The following SEMA5A variants were observed in gnomAD, a reference collection of about 807,000 sequenced individuals.
SEMA5A encodes the protein semaphorin-5A.
In SEMA5A, 55 loss-of-function variants were observed where a neutral mutation model predicts 135.5. The ratio of observed to expected loss-of-function variants is 0.41; its 90% confidence interval spans 0.33 to 0.51. The LOEUF is 0.51. Ranked by LOEUF, SEMA5A falls within the 20% of genes least tolerant of loss-of-function variation. The probability of loss-of-function intolerance (pLI) is 0.37; values close to 1 mark genes in which losing one functional copy is unlikely to be tolerated. For missense variants in SEMA5A, 1,290 were observed against 1,419.9 expected (o/e 0.91, Z 1.47); for synonymous variants, 580 against 546.5 (o/e 1.06, Z -0.85).
intron 5 of SEMA5A, among the ~76,000 whole-genome samples, chr5:9,304,327 A>G (rs1751754602): frequency 6.6e-6 from 1 of 152,054 alleles, no homozygotes; most frequent in South Asian, 2.1e-4. Context: ...GAATCTTCTA[A>G]TTTGTTCCTT....
At chr5:9,392,474 G>T (rs918557310) in intron 2 of SEMA5A, among the ~76,000 whole-genome samples, 3 of 152,118 alleles carry the variant, frequency 2.0e-5, no homozygotes, top group Non-Finnish European at 4.4e-5. Context: ...GTAAATTGAG[G>T]GGGGGAAGCT....
intron 1 of SEMA5A, among the ~76,000 whole-genome samples, chr5:9,535,861 C>A (rs1222000436): frequency 6.6e-6 from 1 of 152,182 alleles, no homozygotes; most frequent in Non-Finnish European, 1.5e-5. Context: ...TGGATCTTCC[C>A]AAGCTCAAGA....
At chr5:9,128,203 T>C (rs1176010882) in intron 13 of SEMA5A, among the ~76,000 whole-genome samples, 4 of 152,192 alleles carry the variant, frequency 2.6e-5, no homozygotes, top group African/African-American at 7.2e-5. Flanking sequence ...CCACCGGCCA[T>C]GCTTCTGAAC....
At chr5:9,275,013 A>AC (rs936735737) in intron 5 of SEMA5A, among the ~76,000 whole-genome samples, 1 of 150,938 alleles carries the variant, frequency 6.6e-6, no homozygotes, top group South Asian at 2.1e-4. Flanking sequence ...GACACATGAA[A>AC]ACCCCTCAAA....
chr5:9,111,396 A>C (rs1445220426), intron 15 of SEMA5A, among the ~76,000 whole-genome samples: 1 of 152,156 alleles, frequency 6.6e-6, no homozygotes, highest in Admixed American at 6.5e-5. Context: ...CATTTCCCCA[A>C]AGCAAAATAA....
chr5:9,327,561 T>C (rs1752935915), intron 4 of SEMA5A, among the ~76,000 whole-genome samples: 1 of 152,190 alleles, frequency 6.6e-6, no homozygotes, highest in Non-Finnish European at 1.5e-5. Flanking sequence ...CAAAAATAGA[T>C]GGATAGTCTC....
intron 11 of SEMA5A, among the ~76,000 whole-genome samples, chr5:9,181,101 C>T (rs1389046771): frequency 2.0e-5 from 3 of 152,122 alleles, no homozygotes; most frequent in Admixed American, 2.0e-4. Context: ...GCATGAGTCT[C>T]AGGCCCCCAG....
chr5:9,069,298 A>T (rs1737645435), intron 16 of SEMA5A, among the ~76,000 whole-genome samples: 1 of 152,224 alleles, frequency 6.6e-6, no homozygotes, highest in South Asian at 2.1e-4. Flanking sequence ...CAGGACTGGG[A>T]AGCATTGTCT....
intron 21 of SEMA5A, among the ~76,000 whole-genome samples, chr5:9,049,476 A>G (rs1461633129): frequency 6.6e-6 from 1 of 152,152 alleles, no homozygotes; most frequent in Non-Finnish European, 1.5e-5. Flanking sequence ...GTAAGCTCCT[A>G]ATCAAGGTAG....
intron 2 of SEMA5A, among the ~76,000 whole-genome samples, chr5:9,430,942 A>C (rs1432040478): frequency 6.6e-6 from 1 of 151,062 alleles, no homozygotes; most frequent in Admixed American, 6.6e-5. Flanking sequence ...AGATGTTTCC[A>C]TTCCTATTGG....
At chr5:9,244,543 T>G (rs1748384186) in intron 5 of SEMA5A, among the ~76,000 whole-genome samples, 1 of 152,204 alleles carries the variant, frequency 6.6e-6, no homozygotes, top group Non-Finnish European at 1.5e-5. Context: ...TATATGTATA[T>G]GTGAAACTGC....
At chr5:9,355,212 C>G (rs562403563) in intron 3 of SEMA5A, among the ~76,000 whole-genome samples, 10 of 152,228 alleles carry the variant, frequency 6.6e-5, no homozygotes, top group Non-Finnish European at 1.3e-4. Flanking sequence ...GAGGCTGATT[C>G]AGCTTGCAGC....
chr5:9,354,496 T>C (rs1268187046), intron 3 of SEMA5A, among the ~76,000 whole-genome samples: 1 of 152,206 alleles, frequency 6.6e-6, no homozygotes. Context: ...ACTTTAATTA[T>C]TTGCTTGACC....
At chr5:9,358,234 C>T (rs1228316352) in intron 3 of SEMA5A, among the ~76,000 whole-genome samples, 1 of 152,200 alleles carries the variant, frequency 6.6e-6, no homozygotes, top group Non-Finnish European at 1.5e-5. Context: ...CTCAATAAGA[C>T]CAAAGCCACT....
At chr5:9,168,058 C>G (rs1246844740) in intron 11 of SEMA5A, among the ~76,000 whole-genome samples, 1 of 152,162 alleles carries the variant, frequency 6.6e-6, no homozygotes. Flanking sequence ...TTCCTATGCA[C>G]CCCTCTCACT....
intron 5 of SEMA5A, among the ~76,000 whole-genome samples, chr5:9,259,686 G>A (rs2071539615): frequency 6.8e-6 from 1 of 147,198 alleles, no homozygotes; most frequent in Non-Finnish European, 1.5e-5. Flanking sequence ...GATGTTCTTT[G>A]AAACCAATGA....
chr5:9,334,319 A>G (rs6868377), intron 4 of SEMA5A, among the ~76,000 whole-genome samples: 141,088 of 152,274 alleles, frequency 0.93, 65,476 homozygotes, highest in Middle Eastern at 0.97. Context: ...TTGCTAAATC[A>G]AGCTTTGCCA....
chr5:9,337,808 A>C lies in SEMA5A; in HGVS notation c.129T>G (p.Ile43Met). The C allele has an allele frequency of 2.5e-6, 4 of 1,589,118 alleles. No individual in the cohort carries two copies. Among genetic ancestry groups the C allele is most frequent in the Non-Finnish European group, 3.4e-6 (4 of 1,164,370 alleles). ...CTCTGAACTCCCGTAACCAGGGGCCAATTTCTAAATAGAAAAAATAAATAA... is the reference window on the plus strand; with the variant it reads ...CTCTGAACTCCCGTAACCAGGGGCCCATTTCTAAATAGAAAAAATAAATAA... The part of the protein sequence containing the change: ...TEHPVISYKE[I>M]GPWLREFRAK... Residue 43 changes from isoleucine to methionine, a missense_variant, in exon 4 of 23, where the codon ATT (isoleucine) becomes ATG (methionine). By Grantham distance (10) the Ile-to-Met change is conservative (BLOSUM62 1). This residue lies in a region of SEMA5A where 116 missense variants were observed against 121.3 expected (regional missense o/e 0.96). Transcript: ENST00000382496.
At chr5:9,352,095 G>GGGGT (rs372508437) in intron 3 of SEMA5A, among the ~76,000 whole-genome samples, 1 of 10,244 alleles carries the variant, frequency 9.8e-5, no homozygotes, top group Admixed American at 1.9e-3. Context: ...GTAACAGGTC[G>GGGGT]GGGGGGTTAC....
Sources: gnomAD v4.1 joint callset for allele counts (sites outside exome capture counted in the v4.1 genomes callset) on GRCh38, gnomAD v4.1.1 for gene constraint, gnomAD v4.1.1 regional missense constraint, MANE v1.5 for transcripts, NCBI Gene and HGNC (gene_info 2026-07-23, HGNC 2026-07-21) for gene names.